Variants in TSPAN9 observed in about 807,000 individuals in gnomAD.
TSPAN9 encodes the protein tetraspanin 9.
Under a neutral mutation model 31.0 loss-of-function variants are expected in TSPAN9, and 16 were observed. That is an observed-to-expected ratio of 0.52 (90% CI 0.35 to 0.78). The LOEUF is 0.78. TSPAN9 is among the 30% of genes least tolerant of loss of function. The pLI, the probability that TSPAN9 is intolerant of heterozygous loss-of-function variation, is 0.01. For synonymous variants in TSPAN9, 145 were observed against 121.6 expected, an observed-to-expected ratio of 1.19 and a Z score of -1.27; for missense variants, 272 against 312.5, an observed-to-expected ratio of 0.87 and a Z score of 0.98.
At chr12:3,130,323 T>G (rs1207188955) in intron 2 of TSPAN9, among the ~76,000 whole-genome samples, 1 of 152,228 alleles carries the variant, frequency 6.6e-6, no homozygotes, top group Admixed American at 6.5e-5. Context: ...CCCCTCTATT[T>G]AACAACATTT....
intron 2 of TSPAN9, among the ~76,000 whole-genome samples, chr12:3,108,343 A>C (rs2098315708): frequency 6.6e-6 from 1 of 152,216 alleles, no homozygotes; most frequent in Admixed American, 6.5e-5. Flanking sequence ...GATCTCAGCT[A>C]GGTTCCAGCC....
intron 2 of TSPAN9, among the ~76,000 whole-genome samples, chr12:3,091,355 C>T (rs985424080): frequency 2.0e-5 from 3 of 152,172 alleles, no homozygotes; most frequent in African/African-American, 4.8e-5. Flanking sequence ...GCAAGGTGTT[C>T]GTTTTTATAT....
intron 2 of TSPAN9, among the ~76,000 whole-genome samples, chr12:3,197,528 A>G (rs1405685440): frequency 1.3e-5 from 2 of 152,126 alleles, no homozygotes; most frequent in African/African-American, 2.4e-5. Flanking sequence ...AGGATGGTAA[A>G]ACCACTGCAG....
chr12:3,229,924 C>T (rs1049035108), intron 3 of TSPAN9, among the ~76,000 whole-genome samples: 22 of 152,314 alleles, frequency 1.4e-4, no homozygotes, highest in African/African-American at 4.3e-4. Flanking sequence ...CGACCTGGCT[C>T]CCCTGGGCTG....
rs938478990 is a variant in TSPAN9, at chr12:3,199,642, C to T, written c.-17-1535C>T. 4.6e-5 allele frequency among the ~76,000 whole-genome samples: 7 copies of T among 152,314 alleles called. No individual in the cohort carries two copies. In the South Asian group the frequency reaches 1.2e-3, roughly 27 times the overall value. On this transcript the variant is annotated intron_variant, in intron 2 of 8. Coordinates refer to ENST00000011898, the MANE Select transcript of TSPAN9 (RefSeq NM_006675.5). ...TGTCCCTGTCAGCCTGCCTGGGGTT[C>T]CAGCCGCCGCAGCGTCCCAACCGAG...
At chr12:3,189,773 A>G (rs7967815) in intron 2 of TSPAN9, among the ~76,000 whole-genome samples, 149,721 of 152,234 alleles carry the variant, frequency 0.98, 73,683 homozygotes, top group Middle Eastern at 1. Flanking sequence ...CCCCATAGCT[A>G]TGGGCCAGCC....
At chr12:3,205,725 C>G (rs1283446942) in intron 3 of TSPAN9, among the ~76,000 whole-genome samples, 2 of 102,198 alleles carry the variant, frequency 2.0e-5, no homozygotes, top group African/African-American at 3.0e-5. Flanking sequence ...TAGGCCCCCC[C>G]CCCCCAGAGT....
At chr12:3,233,122 G>A (rs1473704234) in intron 3 of TSPAN9, among the ~76,000 whole-genome samples, 2 of 152,116 alleles carry the variant, frequency 1.3e-5, no homozygotes, top group African/African-American at 4.8e-5. Flanking sequence ...AGGTCAAACC[G>A]ATTTTTTCCC....
At chr12:3,114,888 GGAA>G (rs1227065103) in intron 2 of TSPAN9, among the ~76,000 whole-genome samples, 34 of 150,776 alleles carry the variant, frequency 2.3e-4, no homozygotes, top group African/African-American at 8.3e-4. Flanking sequence ...ATAACATTAA[GGAA>G]GAAGGCCAAC....
At chr12:3,226,776 A>AT (rs2098387893) in intron 3 of TSPAN9, among the ~76,000 whole-genome samples, 1 of 1,840 alleles carries the variant, frequency 5.4e-4, no homozygotes, top group Non-Finnish European at 1.1e-3. Flanking sequence ...ATATATATAT[A>AT]TATATATATA....
chr12:3,177,148 GT>G (rs1335926736), intron 2 of TSPAN9, among the ~76,000 whole-genome samples: 1 of 152,158 alleles, frequency 6.6e-6, no homozygotes, highest in Non-Finnish European at 1.5e-5. Context: ...TTAAAAAAAT[GT>G]TTTTTTGAGA....
intron 2 of TSPAN9, among the ~76,000 whole-genome samples, chr12:3,122,487 C>T (rs953719376): frequency 5.3e-5 from 8 of 151,996 alleles, no homozygotes; most frequent in Non-Finnish European, 1.0e-4. Context: ...CCAGGCTGGT[C>T]TCAAACTGGT....
intron 3 of TSPAN9, among the ~76,000 whole-genome samples, chr12:3,237,422 C>T (rs2098394377): frequency 6.6e-6 from 1 of 152,304 alleles, no homozygotes; most frequent in South Asian, 2.1e-4. Context: ...CTCCTTATAC[C>T]AGGGCTACCT....
intron 2 of TSPAN9, among the ~76,000 whole-genome samples, chr12:3,136,370 C>T (rs2098332133): frequency 2.0e-5 from 3 of 152,138 alleles, no homozygotes; most frequent in South Asian, 4.1e-4. Context: ...GCGTGGGGCT[C>T]GACAGTTTGT....
At chr12:3,134,432 G>A (rs148948248) in intron 2 of TSPAN9, among the ~76,000 whole-genome samples, 136 of 152,344 alleles carry the variant, frequency 8.9e-4, no homozygotes, top group Middle Eastern at 6.8e-3. Flanking sequence ...AAGGAGGGAA[G>A]AAACTTGCCA....
At chr12:3,207,712 A>T (rs905211717) in intron 3 of TSPAN9, among the ~76,000 whole-genome samples, 2 of 152,018 alleles carry the variant, frequency 1.3e-5, no homozygotes, top group Non-Finnish European at 2.9e-5. Flanking sequence ...CAGGATTTCA[A>T]ATCTCCCTTG....
chr12:3,105,984 ACACT>A (rs1044419583), intron 2 of TSPAN9, among the ~76,000 whole-genome samples: 1 of 151,796 alleles, frequency 6.6e-6, no homozygotes, highest in African/African-American at 2.4e-5. Flanking sequence ...TGTGCAGCGC[ACACT>A]CAGTCTTGCA....
At chr12:3,137,264 C>G (rs1048733576) in intron 2 of TSPAN9, among the ~76,000 whole-genome samples, 6 of 152,214 alleles carry the variant, frequency 3.9e-5, no homozygotes, top group African/African-American at 1.2e-4. Flanking sequence ...TGTCAGCTTC[C>G]CTGGAGCTCC....
At chr12:3,109,082 CT>C (rs1280147260) in intron 2 of TSPAN9, among the ~76,000 whole-genome samples, 1 of 151,990 alleles carries the variant, frequency 6.6e-6, no homozygotes. Context: ...ACTACAGGCA[CT>C]CGCCACCACG....
Sources: allele counts gnomAD v4.1 joint callset (sites outside exome capture counted in the v4.1 genomes callset), GRCh38; gene constraint gnomAD v4.1.1; transcripts MANE v1.5; gene names NCBI Gene and HGNC (gene_info 2026-07-23, HGNC 2026-07-21).